The following NSMCE1 variants were observed in gnomAD, a reference collection of about 807,000 sequenced individuals.
NSMCE1 encodes NSE1 component of SMC5/6 complex.
Under a neutral mutation model 29.6 loss-of-function variants are expected in NSMCE1, and 18 were observed. The ratio of observed to expected loss-of-function variants is 0.61; its 90% CI spans 0.42 to 0.90. The LOEUF is 0.90. Ranked by LOEUF, NSMCE1 falls within the 40% of genes least tolerant of loss-of-function variation. The probability of loss-of-function intolerance (pLI) is 0.00; values close to 1 mark genes in which losing one functional copy is unlikely to be tolerated. For synonymous variants in NSMCE1, 124 were observed against 133.4 expected, an observed-to-expected ratio of 0.93 and a Z score of 0.49; for missense variants, 314 against 343.6, an observed-to-expected ratio of 0.91 and a Z score of 0.68.
In NSMCE1 at chr16:27,232,908, T is replaced by C. The variant is rs2083777031; in HGVS notation, c.483+93A>G. ...AAGGGATCCGAGAAGGCCGGGCTCC[T>C]CAGACATCAGTTGGCTACAAGTACG... On this transcript the variant is annotated intron_variant, in intron 5 of 7. Coordinates refer to ENST00000361439, the MANE Select transcript of NSMCE1 (RefSeq NM_145080.4). The surrounding 1 kb of genome is among the most constrained non-coding windows in gnomAD (Gnocchi z 4.5). The C allele has an allele frequency of 4.4e-6, 6 of 1,360,106 alleles. No individual in the cohort carries two copies. Among genetic ancestry groups the C allele is most frequent in the Non-Finnish European group, 5.1e-6 (5 of 972,430 alleles). 84.3% of individuals were successfully genotyped at this position (1,360,106 alleles called of 1,614,324 possible). A position where few individuals can be genotyped will look rare whatever the true frequency, so the allele number is the denominator to read the frequency against.
intron 2 of NSMCE1, among the ~76,000 whole-genome samples, chr16:27,246,436 A>G (rs923217378): frequency 3.3e-5 from 5 of 152,330 alleles, no homozygotes; most frequent in African/African-American, 1.2e-4. Context: ...TGGCAACCAT[A>G]AAATAAGAAT....
At chr16:27,255,831 G>A (rs1431317221) in intron 2 of NSMCE1, among the ~76,000 whole-genome samples, 1 of 152,196 alleles carries the variant, frequency 6.6e-6, no homozygotes, top group East Asian at 1.9e-4. Context: ...TGCTCCAAAT[G>A]TGACACCTAC....
intron 2 of NSMCE1, among the ~76,000 whole-genome samples, chr16:27,251,133 G>A (rs1402428552): frequency 3.7e-5 from 5 of 135,454 alleles, no homozygotes; most frequent in African/African-American, 1.1e-4. Context: ...GAGCTACCGC[G>A]CCCAGCCTTA....
At position 27,225,830 on chromosome 16, in the gene NSMCE1, G is replaced by T. The variant is rs1449293282; in HGVS notation, c.617C>A (p.Thr206Asn). Residue 206 changes from threonine to asparagine, a missense_variant, in exon 7 of 8, where the codon ACC (threonine) becomes AAC (asparagine). Coordinates refer to ENST00000361439, the MANE Select transcript of NSMCE1 (RefSeq NM_145080.4). Reference sequence around the variant, plus strand: ...GGGTAAGTGCATCCTGATCCCACAGGTTTCGCAGCTTTGACCCTGAAACAG... The same window carrying T: ...GGGTAAGTGCATCCTGATCCCACAGTTTTCGCAGCTTTGACCCTGAAACAG... ...SLLIQGQSCETCGIRMHLPCV... is the reference protein window; with the variant it reads ...SLLIQGQSCENCGIRMHLPCV... 1 of 1,614,150 alleles carries T rather than the reference G, an allele frequency of 6.2e-7. No homozygotes were observed. Among genetic ancestry groups the T allele is most frequent in the South Asian group, 1.1e-5 (1 of 91,088 alleles).
intron 2 of NSMCE1, among the ~76,000 whole-genome samples, chr16:27,248,192 A>C (rs1439118477): frequency 6.6e-6 from 1 of 152,144 alleles, no homozygotes; most frequent in Non-Finnish European, 1.5e-5. Flanking sequence ...ATATAGCTTC[A>C]TATCTCTTGA....
At chr16:27,254,866 C>CTTTTTTT (rs61088115) in intron 2 of NSMCE1, among the ~76,000 whole-genome samples, 5 of 46,912 alleles carry the variant, frequency 1.1e-4, no homozygotes, top group Non-Finnish European at 7.3e-5. Context: ...TCCAACCATG[C>CTTTTTTT]TTTTTTTTTT....
At chr16:27,237,706 T>C (rs2083841109) in intron 2 of NSMCE1, among the ~76,000 whole-genome samples, 1 of 152,228 alleles carries the variant, frequency 6.6e-6, no homozygotes, top group African/African-American at 2.4e-5. Context: ...CAATGTGCCC[T>C]GTGGGCAGAT....
chr16:27,229,504 T>G (rs183496290), intron 5 of NSMCE1, among the ~76,000 whole-genome samples: 1 of 152,338 alleles, frequency 6.6e-6, no homozygotes, highest in African/African-American at 2.4e-5. Flanking sequence ...AAGTAGACCT[T>G]GCACTGATCC....
intron 2 of NSMCE1, among the ~76,000 whole-genome samples, chr16:27,238,129 A>T (rs2083846506): frequency 6.6e-6 from 1 of 152,138 alleles, no homozygotes; most frequent in African/African-American, 2.4e-5. Context: ...TTCAGCAGCA[A>T]CAGAGGTGGC....
chr16:27,257,941 A>G (rs2084106086), intron 1 of NSMCE1: 1 of 164,402 alleles, frequency 6.1e-6, no homozygotes, highest in Non-Finnish European at 1.3e-5. Context: ...GGGTTAATAC[A>G]TGTAATAGCC....
chr16:27,230,257 G>A (rs889607344), intron 5 of NSMCE1, among the ~76,000 whole-genome samples: 2 of 152,240 alleles, frequency 1.3e-5, no homozygotes, highest in Admixed American at 1.3e-4. Flanking sequence ...CTGTCCAGGA[G>A]TGACGTGTCC....
At chr16:27,238,163 G>A (rs1454542440) in intron 2 of NSMCE1, among the ~76,000 whole-genome samples, 1 of 152,220 alleles carries the variant, frequency 6.6e-6, no homozygotes, top group East Asian at 1.9e-4. Flanking sequence ...GCCAGAAGCA[G>A]AGGTGTGGGC....
At chr16:27,241,245 G>A (rs2083890084) in intron 2 of NSMCE1, 1 of 152,178 alleles carries the variant, frequency 6.6e-6, no homozygotes, top group South Asian at 2.1e-4. Context: ...CCAACAAATA[G>A]TTTTGTTCTA....
At chr16:27,235,084 C>G (rs767067639) in intron 3 of NSMCE1, 94 bp downstream of exon 3, 4 of 1,244,246 alleles carry the variant, frequency 3.2e-6, no homozygotes, top group Non-Finnish European at 4.5e-6. Flanking sequence ...AAAGAACTGT[C>G]CAAAAGAGAA....
In NSMCE1 at chr16:27,268,726, C is replaced by T. The variant is rs1038258401; in HGVS notation, c.-32G>A. 2.6e-5 allele frequency: 4 copies of T among 152,834 alleles called. No individual in the cohort carries two copies. Among genetic ancestry groups the T allele is most frequent in the African/African-American group, 9.6e-5 (4 of 41,476 alleles). The allele number at this position is 152,834 out of a possible 1,614,324, so 9.5% of individuals were successfully genotyped here. On this transcript the variant is annotated 5_prime_UTR_variant, in exon 1 of 8. Transcript: ENST00000361439. The stretch of plus-strand genomic sequence containing the variant: ...CCCACCAGGGAGCCCAAGCGCATCC[C>T]AGGCCGCGCTAGCGGATACGGTCGC...
rs1410149080 is a variant in NSMCE1 at position 27,226,801 on chromosome 16, G to T, written c.519C>A (p.Ile173=). The T allele has an allele frequency of 6.2e-7, 1 of 1,613,828 alleles. No homozygotes were observed. Among genetic ancestry groups the T allele is most frequent in the Non-Finnish European group, 8.5e-7 (1 of 1,179,822 alleles). ...CCCGGATGTATTGCTCCATCTCCAG[G>T]ATGGCCCGGCCGTGCAGGGTGAACT... ...EGEFTLHGRA[I]LEMEQYIRET... is the part of the protein sequence containing the mutation. Residue 173 remains isoleucine, a synonymous_variant, in exon 6 of 8, where the codon ATC becomes ATA. Coordinates refer to ENST00000361439, the MANE Select transcript of NSMCE1 (RefSeq NM_145080.4).
chr16:27,234,107 G>A, intron 4 of NSMCE1, 81 bp downstream of exon 4: 1 of 899,480 alleles, frequency 1.1e-6, no homozygotes, highest in Non-Finnish European at 1.9e-6. Context: ...CTTGAACACT[G>A]CAGTTGCCAC....
At chr16:27,244,357 A>C (rs996558080) in intron 2 of NSMCE1, among the ~76,000 whole-genome samples, 5 of 152,184 alleles carry the variant, frequency 3.3e-5, no homozygotes, top group Admixed American at 6.5e-5. Flanking sequence ...CACTCACTAC[A>C]GTCTGAAGCA....
In NSMCE1 at chr16:27,237,273, G is replaced by A. The variant is rs150953655; in HGVS notation, c.137-1974C>T. Among the ~76,000 whole-genome samples the A allele has an allele frequency of 2.5e-3, 385 of 152,352 alleles. 3 individuals carry two copies. Among genetic ancestry groups the A allele is most frequent in the African/African-American group, 9.1e-3 (379 of 41,572 alleles). On this transcript the variant is annotated intron_variant, in intron 2 of 7. Transcript: ENST00000361439. ...GCTGGAGAGCAGGCATCAGGAGGGAGGCATGGCCTGACTTCCTGCCTCCAT... is the reference window on the plus strand; with the variant it reads ...GCTGGAGAGCAGGCATCAGGAGGGAAGCATGGCCTGACTTCCTGCCTCCAT...
Sources: allele counts gnomAD v4.1 joint callset (sites outside exome capture counted in the v4.1 genomes callset), GRCh38; gene constraint gnomAD v4.1.1; non-coding constraint Gnocchi (gnomAD v3.1); transcripts MANE v1.5; gene names NCBI Gene and HGNC (gene_info 2026-07-23, HGNC 2026-07-21).